LRRC49: variants seen among roughly 807,000 people sequenced by gnomAD.
LRRC49 encodes the protein leucine-rich repeat-containing protein 49.
Under a neutral mutation model 83.3 loss-of-function variants are expected in LRRC49, and 50 were observed. That is an observed-to-expected ratio of 0.60 (90% confidence interval 0.48 to 0.76). LRRC49 has a LOEUF of 0.76. Ranked by LOEUF, LRRC49 falls within the 30% of genes least tolerant of loss-of-function variation. The probability of loss-of-function intolerance (pLI) is 0.00; values close to 1 mark genes in which losing one functional copy is unlikely to be tolerated. For missense variants in LRRC49, 704 were observed against 809.1 expected (o/e 0.87, Z 1.58); for synonymous variants, 286 against 283.3 (o/e 1.01, Z -0.10).
chr15:70,922,717 C>T (rs917956556), intron 7 of LRRC49, among the ~76,000 whole-genome samples: 5 of 152,040 alleles, frequency 3.3e-5, no homozygotes, highest in East Asian at 1.9e-4. Context: ...GGGATGGATA[C>T]GCCGTTGTCC....
chr15:70,882,761 CCA>C, intron 2 of LRRC49: 1 of 1,613,930 alleles, frequency 6.2e-7, no homozygotes, highest in South Asian at 1.1e-5. Context: ...CAAAACATAC[CCA>C]CACTACGGTG....
At chr15:70,871,394 C>G (rs1262104725) in intron 1 of LRRC49, among the ~76,000 whole-genome samples, 1 of 152,222 alleles carries the variant, frequency 6.6e-6, no homozygotes, top group African/African-American at 2.4e-5. Context: ...TCTTTCCTTT[C>G]CCCACATTTC....
intron 5 of LRRC49, among the ~76,000 whole-genome samples, chr15:70,909,750 A>G (rs2034468992): frequency 1.3e-5 from 2 of 151,786 alleles, no homozygotes; most frequent in South Asian, 4.2e-4. Context: ...GAGGCAGGAG[A>G]ATCACTTGAA....
At chr15:70,978,978 G>T (rs1400409053) in intron 9 of LRRC49, among the ~76,000 whole-genome samples, 6 of 151,938 alleles carry the variant, frequency 3.9e-5, no homozygotes, top group Non-Finnish European at 5.9e-5. Context: ...CTTCAAATCT[G>T]CTAAGTTACT....
chr15:71,043,720 A>G (rs960187273), intron 15 of LRRC49, among the ~76,000 whole-genome samples: 1 of 152,242 alleles, frequency 6.6e-6, no homozygotes. Context: ...ATACAATTCT[A>G]TATCAACATG....
At chr15:70,927,100 T>G (rs2035231209) in intron 7 of LRRC49, among the ~76,000 whole-genome samples, 1 of 152,124 alleles carries the variant, frequency 6.6e-6, no homozygotes, top group African/African-American at 2.4e-5. Context: ...CTGGAGAGGA[T>G]GTGGAGAAAC....
chr15:70,912,934 C>T (rs981630816), intron 6 of LRRC49, among the ~76,000 whole-genome samples: 20 of 152,296 alleles, frequency 1.3e-4, no homozygotes, highest in African/African-American at 4.3e-4. Flanking sequence ...GCCTCGGCCT[C>T]CCAAAGTGCT....
chr15:71,028,531 T>A (rs1003505665), intron 14 of LRRC49, among the ~76,000 whole-genome samples: 14 of 151,906 alleles, frequency 9.2e-5, no homozygotes, highest in Non-Finnish European at 1.8e-4. Flanking sequence ...TACCGGCTCC[T>A]CTTTGTACCT....
Position 70,984,359 on chromosome 15 carries a change from T to G in LRRC49, c.1169+102T>G, listed in dbSNP as rs186898604. 20 of 1,011,584 alleles carry G rather than the reference T, an allele frequency of 2.0e-5. No homozygotes were observed. The African/African-American group carries it at 3.0e-4, about 15-fold the overall frequency. 62.7% of individuals were successfully genotyped at this position (1,011,584 alleles called of 1,614,324 possible). ...ATATAATTATTTTAAAAGGGTTTTC[T>G]TAAGAAAACTTGCTGAAATTAGAAA... On this transcript the variant is annotated intron_variant, in intron 11 of 15. Transcript: ENST00000260382.
intron 6 of LRRC49, among the ~76,000 whole-genome samples, chr15:70,911,815 A>C (rs1180979721): frequency 6.6e-6 from 1 of 152,202 alleles, no homozygotes; most frequent in Non-Finnish European, 1.5e-5. Flanking sequence ...TCTTATAGTT[A>C]TGACAATTTT....
At chr15:70,939,759 C>A (rs1311618347) in intron 8 of LRRC49, among the ~76,000 whole-genome samples, 1 of 151,882 alleles carries the variant, frequency 6.6e-6, no homozygotes, top group African/African-American at 2.4e-5. Context: ...GCCGGAATGA[C>A]CTCTCATACC....
At chr15:70,908,728 C>T (rs1473792422) in intron 5 of LRRC49, 1 of 152,274 alleles carries the variant, frequency 6.6e-6, no homozygotes, top group Non-Finnish European at 1.5e-5. Flanking sequence ...TCCGTATTAG[C>T]AGAATTCAGG....
chr15:70,967,752 G>T (rs927545497), intron 9 of LRRC49, among the ~76,000 whole-genome samples: 1 of 152,024 alleles, frequency 6.6e-6, no homozygotes, highest in Non-Finnish European at 1.5e-5. Context: ...ATGAAAAAAG[G>T]CATGGACAAT....
Position 71,050,440 on chromosome 15 carries a change from A to C in LRRC49, c.*828A>C, listed in dbSNP as rs1236107654. 2 of 152,206 alleles carry C rather than the reference A, an allele frequency of 1.3e-5. No individual in the cohort carries two copies. The highest frequency in any genetic ancestry group is 4.8e-5 in the African/African-American group (2 of 41,432). 9.4% of individuals were successfully genotyped at this position (152,206 alleles called of 1,614,324 possible). On this transcript the variant is annotated 3_prime_UTR_variant, in exon 16 of 16. Coordinates refer to ENST00000260382, the MANE Select transcript of LRRC49 (RefSeq NM_017691.5). The stretch of plus-strand genomic sequence containing the variant: ...CAGAAGTATTAGGGATGCATGAGTG[A>C]AGGGTTCTAATTTTTAAAATTTCAT...
At chr15:71,040,503 T>A (rs1015854779) in intron 15 of LRRC49, among the ~76,000 whole-genome samples, 4 of 152,128 alleles carry the variant, frequency 2.6e-5, no homozygotes, top group African/African-American at 7.2e-5. Flanking sequence ...AAAGTCTAAC[T>A]TAATCTGGCA....
intron 6 of LRRC49, among the ~76,000 whole-genome samples, chr15:70,913,340 T>C (rs1003739434): frequency 6.6e-6 from 1 of 152,224 alleles, no homozygotes; most frequent in African/African-American, 2.4e-5. Flanking sequence ...AGGCCACATC[T>C]ATTAGGTTCG....
chr15:70,920,994 T>A (rs895144926), intron 7 of LRRC49, among the ~76,000 whole-genome samples: 2 of 152,154 alleles, frequency 1.3e-5, no homozygotes, highest in Admixed American at 1.3e-4. Flanking sequence ...TCTTCTTGCT[T>A]TTTTTTCTTT....
chr15:70,858,637 A>T (rs564769570), intron 1 of LRRC49: 17 of 528,138 alleles, frequency 3.2e-5, no homozygotes, highest in African/African-American at 3.1e-4. Context: ...CAAAAAAAGG[A>T]CCAAGAAGCA....
rs569646904 is a variant in LRRC49, at chr15:71,050,088, G to A, written c.*476G>A. 6.5e-6 allele frequency: 1 copy of A among 154,264 alleles called. No homozygotes were observed. Among genetic ancestry groups the A allele is most frequent in the East Asian group, 1.9e-4 (1 of 5,232 alleles). 9.6% of individuals were successfully genotyped at this position (154,264 alleles called of 1,614,324 possible). A position where few individuals can be genotyped will look rare whatever the true frequency, so the allele number is the denominator to read the frequency against. On this transcript the variant is annotated 3_prime_UTR_variant, in exon 16 of 16. Transcript: ENST00000260382. ...AAATTAGTCAAAATAAAGTATGTTT[G>A]CCTCCTTAATTCAGTCAGAATTGTC...
Sources: gnomAD v4.1 joint callset for allele counts (sites outside exome capture counted in the v4.1 genomes callset) on GRCh38, gnomAD v4.1.1 for gene constraint, MANE v1.5 for transcripts, NCBI Gene and HGNC (gene_info 2026-07-23, HGNC 2026-07-21) for gene names.